Variants in AKR1C3 observed in about 807,000 individuals in gnomAD.
AKR1C3 encodes the protein 3-alpha hydroxysteroid dehydrogenase, type II.
Under a neutral mutation model 43.6 loss-of-function variants are expected in AKR1C3, and 48 were observed. The ratio of observed to expected loss-of-function variants is 1.10; its 90% CI spans 0.87 to 1.40. AKR1C3 has a LOEUF of 1.40. Among genes scored for constraint, AKR1C3 ranks in the 40% most tolerant of loss-of-function variants. AKR1C3 has a pLI of 0.00. For synonymous variants in AKR1C3, 162 were observed against 139.6 expected, an observed-to-expected ratio of 1.16 and a Z score of -1.13; for missense variants, 482 against 391.2, an observed-to-expected ratio of 1.23 and a Z score of -1.96.
In AKR1C3 at chr10:5,065,075, C is replaced by G. The variant is rs7902960; in HGVS notation, c.84+16180C>G. ...AACCACAATGAGAAACCATCTCATA[C>G]CAGTCAGAATGGCTATTACTAAAAA... On this transcript the variant is annotated intron_variant, in intron 1 of 8. Coordinates refer to the AKR1C3 transcript ENST00000439082. Among the ~76,000 whole-genome samples, 296 of 152,212 alleles carry G rather than the reference C, an allele frequency of 1.9e-3. 1 individual carries two copies. Among genetic ancestry groups the G allele is most frequent in the African/African-American group, 6.7e-3 (279 of 41,528 alleles).
At chr10:5,068,644 T>C (rs898923909) in intron 1 of AKR1C3, among the ~76,000 whole-genome samples, 6 of 152,240 alleles carry the variant, frequency 3.9e-5, no homozygotes, top group African/African-American at 1.4e-4. Flanking sequence ...AGTTGTGTTC[T>C]GATAAGATTA....
At chr10:5,106,472 C>T (rs1032833932) in intron 8 of AKR1C3, among the ~76,000 whole-genome samples, 13 of 151,882 alleles carry the variant, frequency 8.6e-5, no homozygotes, top group African/African-American at 1.9e-4. Flanking sequence ...AAGTTATGGC[C>T]GGGCGCAGTG....
intron 1 of AKR1C3, among the ~76,000 whole-genome samples, chr10:5,080,373 C>A (rs147540356): frequency 3.9e-5 from 6 of 152,132 alleles, no homozygotes; most frequent in African/African-American, 1.2e-4. Flanking sequence ...TCTGTAATCC[C>A]AGCATGTTGG....
At chr10:5,087,376 CTTTCTTTTTTTTT>C (rs1396660537) in intron 1 of AKR1C3, among the ~76,000 whole-genome samples, 13 of 45,366 alleles carry the variant, frequency 2.9e-4, no homozygotes, top group Admixed American at 1.0e-3. Flanking sequence ...TTTATCATTT[CTTTCTTTTTTTTT>C]TTTTTTTGAG....
At chr10:5,078,240 C>T (rs1696916318) in intron 1 of AKR1C3, among the ~76,000 whole-genome samples, 5 of 152,098 alleles carry the variant, frequency 3.3e-5, no homozygotes, top group Admixed American at 3.3e-4. Context: ...CCTGGCCAAC[C>T]TCGTCTGGCC....
chr10:5,097,374 A>G, intron 2 of AKR1C3, 60 bp from the exon 3 acceptor site: 1 of 1,584,374 alleles, frequency 6.3e-7, no homozygotes, highest in Non-Finnish European at 8.6e-7. Flanking sequence ...AGATGGCACA[A>G]AGTAATAAGA....
chr10:5,100,867 CCA>C (rs539114078), intron 5 of AKR1C3, among the ~76,000 whole-genome samples: 196 of 152,210 alleles, frequency 1.3e-3, no homozygotes, highest in African/African-American at 4.5e-3. Flanking sequence ...TAACACTTTG[CCA>C]CATTGCCAAA....
intron 1 of AKR1C3, among the ~76,000 whole-genome samples, chr10:5,056,113 C>T (rs559499136): frequency 4.6e-5 from 7 of 152,092 alleles, no homozygotes; most frequent in Non-Finnish European, 1.0e-4. Flanking sequence ...AAACTGGTAG[C>T]CAAAAGTAAA....
At chr10:5,087,492 C>T (rs1554783370) in intron 1 of AKR1C3, among the ~76,000 whole-genome samples, 2 of 151,556 alleles carry the variant, frequency 1.3e-5, no homozygotes, top group Non-Finnish European at 2.9e-5. Flanking sequence ...TCTGCCTCAG[C>T]CTTCCAAGTA....
chr10:5,091,944 G>A (rs138947591), upstream of AKR1C3, among the ~76,000 whole-genome samples: 1,288 of 152,086 alleles, frequency 8.5e-3, 19 homozygotes, highest in African/African-American at 0.029. Flanking sequence ...TTTATTTTAA[G>A]CTGAATTAGT....
rs1839214351 is a variant in AKR1C3, at chr10:5,096,595, A to C, written c.252+18A>C. The stretch of plus-strand genomic sequence containing the variant: ...CTTCAAAGGTACTGTGTCTATGATG[A>C]GCTTGTGTGCACATGTATTTATTGT... On this transcript the variant is annotated intron_variant, in intron 2 of 8. Coordinates refer to ENST00000380554, the MANE Select transcript of AKR1C3 (RefSeq NM_003739.6). 2 of 1,609,434 alleles carry C rather than the reference A, an allele frequency of 1.2e-6. No homozygotes were observed. The highest frequency in any genetic ancestry group is 8.5e-7 in the Non-Finnish European group (1 of 1,177,422).
At chr10:5,072,606 A>ATTTTC (rs1838634919) in intron 1 of AKR1C3, among the ~76,000 whole-genome samples, 3 of 152,212 alleles carry the variant, frequency 2.0e-5, no homozygotes, top group Non-Finnish European at 2.9e-5. Flanking sequence ...CAAGAAAGAT[A>ATTTTC]ACTTCCTATC....
At chr10:5,065,155 C>A (rs1838473217) in intron 1 of AKR1C3, among the ~76,000 whole-genome samples, 1 of 152,140 alleles carries the variant, frequency 6.6e-6, no homozygotes, top group Admixed American at 6.5e-5. Flanking sequence ...CACTTATACA[C>A]TGCTGGTGTA....
intron 1 of AKR1C3, among the ~76,000 whole-genome samples, chr10:5,064,619 A>G (rs1358187732): frequency 1.3e-5 from 2 of 152,208 alleles, no homozygotes; most frequent in Non-Finnish European, 2.9e-5. Context: ...GAAAATGCCC[A>G]CACACTATGC....
chr10:5,101,760 C>T (rs1159228910), intron 5 of AKR1C3, among the ~76,000 whole-genome samples: 6 of 152,114 alleles, frequency 3.9e-5, no homozygotes, highest in Admixed American at 3.9e-4. Flanking sequence ...AGTCCTTGAC[C>T]AAATTCTTGC....
upstream of AKR1C3, chr10:5,093,404 A>AAAAGT (rs1192184709): frequency 6.6e-6 from 1 of 152,088 alleles, no homozygotes; most frequent in Admixed American, 6.6e-5. Context: ...TTATTTGAGG[A>AAAAGT]AAAGTAAATA....
intron 1 of AKR1C3, among the ~76,000 whole-genome samples, chr10:5,060,962 A>C (rs1375741515): frequency 1.3e-5 from 2 of 152,198 alleles, no homozygotes; most frequent in Non-Finnish European, 2.9e-5. Context: ...GCCCATGCCC[A>C]CCTGGAACTC....
At chr10:5,086,439 G>A (rs1175998069) in intron 1 of AKR1C3, among the ~76,000 whole-genome samples, 1 of 151,654 alleles carries the variant, frequency 6.6e-6, no homozygotes, top group Non-Finnish European at 1.5e-5. Context: ...TGATCTGAGA[G>A]ACAGTTTGTT....
upstream of AKR1C3, chr10:5,093,866 A>G (rs1455691137): frequency 6.6e-6 from 1 of 152,200 alleles, no homozygotes; most frequent in African/African-American, 2.4e-5. Context: ...AACGCAAAGA[A>G]AGAAAAATCA....
Sources: allele counts gnomAD v4.1 joint callset (sites outside exome capture counted in the v4.1 genomes callset), GRCh38; gene constraint gnomAD v4.1.1; transcripts MANE v1.5; gene names NCBI Gene and HGNC (gene_info 2026-07-23, HGNC 2026-07-21).